NCAM1: variants seen among roughly 807,000 people sequenced by gnomAD.
The protein encoded by NCAM1 is neural cell adhesion molecule 1.
A neutral mutation model predicts 109.8 loss-of-function variants in NCAM1; 14 were observed. That is an observed-to-expected ratio of 0.13 (90% CI 0.08 to 0.20). NCAM1 has a LOEUF of 0.20. Ranked by LOEUF, NCAM1 falls within the 10% of genes least tolerant of loss-of-function variation. The probability of loss-of-function intolerance (pLI) is 1.00; values close to 1 mark genes in which losing one functional copy is unlikely to be tolerated. For missense variants in NCAM1, 774 were observed against 1,109.9 expected, an observed-to-expected ratio of 0.70 and a Z score of 4.30; for synonymous variants, 418 against 442.9, an observed-to-expected ratio of 0.94 and a Z score of 0.70.
chr11:113,076,717 A>G (rs1938542400), intron 1 of NCAM1, among the ~76,000 whole-genome samples: 1 of 152,256 alleles, frequency 6.6e-6, no homozygotes, highest in South Asian at 2.1e-4. Flanking sequence ...CTGGAAAAAA[A>G]TATAACAGAT....
At position 113,273,086 on chromosome 11, in the gene NCAM1, G is replaced by T. The variant is rs782206123; in HGVS notation, c.2456+1210G>T. ...CCCTGACCTCCAGTATTGCCCCGCCGGCCACGGCCACGCCTGACTCAAACT... is the reference window on the plus strand; with the variant it reads ...CCCTGACCTCCAGTATTGCCCCGCCTGCCACGGCCACGCCTGACTCAAACT... On this transcript the variant is annotated intron_variant, in intron 19 of 19. Coordinates refer to ENST00000316851, the MANE Select transcript of NCAM1 (RefSeq NM_181351.5). The surrounding 1 kb of genome is among the most constrained non-coding windows in gnomAD (Gnocchi z 6.0). 7.7e-5 allele frequency: 35 copies of T among 455,794 alleles called. 1 individual carries two copies. Among genetic ancestry groups the T allele is most frequent in the South Asian group, 4.8e-4 (31 of 64,474 alleles). 28.2% of individuals were successfully genotyped at this position (455,794 alleles called of 1,614,324 possible). A position where few individuals can be genotyped will look rare whatever the true frequency, so the allele number is the denominator to read the frequency against.
intron 17 of NCAM1, among the ~76,000 whole-genome samples, chr11:113,261,973 C>A (rs1946015519): frequency 6.6e-6 from 1 of 152,066 alleles, no homozygotes; most frequent in Non-Finnish European, 1.5e-5. Context: ...TGTGAATCGC[C>A]CAGGTGCCCA....
intron 1 of NCAM1, among the ~76,000 whole-genome samples, chr11:113,201,097 C>G (rs2136874279): frequency 6.6e-6 from 1 of 152,306 alleles, no homozygotes; most frequent in South Asian, 2.1e-4. Flanking sequence ...TCACCTCTTT[C>G]TCTCTGAAGC....
At chr11:113,015,761 A>G (rs1952191709) in intron 1 of NCAM1, among the ~76,000 whole-genome samples, 1 of 152,082 alleles carries the variant, frequency 6.6e-6, no homozygotes, top group South Asian at 2.1e-4. Flanking sequence ...CAAAAAAAAG[A>G]AAAAAAGATA....
intron 1 of NCAM1, among the ~76,000 whole-genome samples, chr11:113,134,416 T>A (rs1209493966): frequency 1.3e-5 from 2 of 152,232 alleles, no homozygotes; most frequent in African/African-American, 4.8e-5. Context: ...CTTTCACTTC[T>A]TTGCTACTGG....
intron 1 of NCAM1, among the ~76,000 whole-genome samples, chr11:113,002,727 T>C (rs2135003888): frequency 6.6e-6 from 1 of 152,292 alleles, no homozygotes; most frequent in Non-Finnish European, 1.5e-5. Flanking sequence ...GCCCTCCAGC[T>C]AAGTCTCCTG....
chr11:113,232,367 G>T lies in NCAM1; in HGVS notation c.1425+13G>T, dbSNP rs371485160. On this transcript the variant is annotated intron_variant, in intron 11 of 19. Transcript: ENST00000316851. ...CAGCTATCTGGAGGTGAGTCAGGATGGGGGTGGGACAGAGCAGAGAAAGCA... is the reference window on the plus strand; with the variant it reads ...CAGCTATCTGGAGGTGAGTCAGGATTGGGGTGGGACAGAGCAGAGAAAGCA... 965 of 1,600,860 alleles carry T rather than the reference G, an allele frequency of 6.0e-4. 10 individuals are homozygous for T. The South Asian group carries it at 0.01, about 17-fold the overall frequency.
chr11:113,238,209 A>G (rs1184543853), intron 14 of NCAM1, among the ~76,000 whole-genome samples: 1 of 152,182 alleles, frequency 6.6e-6, no homozygotes, highest in African/African-American at 2.4e-5. Context: ...GTACAACAAC[A>G]GGCATTGTTA....
intron 1 of NCAM1, among the ~76,000 whole-genome samples, chr11:113,169,331 A>G (rs1400582685): frequency 1.3e-5 from 2 of 152,148 alleles, no homozygotes; most frequent in African/African-American, 4.8e-5. Flanking sequence ...TAAAATCAGT[A>G]CTGCAGATTG....
rs541144832 is a variant in NCAM1, at chr11:112,982,531, CAG to C, written c.52+20868_52+20869del. On this transcript the variant is annotated intron_variant, in intron 1 of 19. Transcript: ENST00000316851. The stretch of plus-strand genomic sequence containing the variant: ...GATTACAGTCTGGAAAACCAGTAGT[CAG>C]GGGGTAGGAGGAGCTACTGTAGAGG... 4.0e-5 allele frequency among the ~76,000 whole-genome samples: 6 copies of C among 151,752 alleles called. No homozygotes were observed. In the South Asian group the frequency reaches 1.2e-3, roughly 32 times the overall value.
intron 1 of NCAM1, among the ~76,000 whole-genome samples, chr11:113,068,631 G>T (rs914816532): frequency 1.3e-5 from 2 of 152,146 alleles, no homozygotes; most frequent in Non-Finnish European, 2.9e-5. Context: ...TCTAATCCTT[G>T]CTCTATCTCT....
intron 8 of NCAM1, among the ~76,000 whole-genome samples, chr11:113,220,308 A>T (rs181784252): frequency 6.6e-6 from 1 of 152,306 alleles, no homozygotes; most frequent in Admixed American, 6.5e-5. Context: ...TACATGCTGG[A>T]GTCCACATAC....
intron 1 of NCAM1, among the ~76,000 whole-genome samples, chr11:113,016,395 T>G (rs1555075271): frequency 6.6e-6 from 1 of 152,196 alleles, no homozygotes; most frequent in Non-Finnish European, 1.5e-5. Flanking sequence ...GACATAAAAA[T>G]AGGACACTGG....
At chr11:113,080,607 A>G (rs1938764617) in intron 1 of NCAM1, among the ~76,000 whole-genome samples, 1 of 152,154 alleles carries the variant, frequency 6.6e-6, no homozygotes, top group African/African-American at 2.4e-5. Context: ...TAAGTTAATT[A>G]TTTGAATGGA....
At chr11:113,003,735 G>C (rs1555072817) in intron 1 of NCAM1, 1 of 152,208 alleles carries the variant, frequency 6.6e-6, no homozygotes, top group Non-Finnish European at 1.5e-5. Flanking sequence ...CATATTGAAA[G>C]TAATTTTAAC....
chr11:113,081,352 C>G (rs1474458923), intron 1 of NCAM1, among the ~76,000 whole-genome samples: 5 of 152,088 alleles, frequency 3.3e-5, no homozygotes, highest in Non-Finnish European at 7.4e-5. Context: ...CGGACGGTTC[C>G]CCGGTGCTTG....
chr11:113,208,210 C>T (rs186906492), intron 7 of NCAM1, among the ~76,000 whole-genome samples: 58 of 152,240 alleles, frequency 3.8e-4, no homozygotes, highest in Non-Finnish European at 6.3e-4. Context: ...CTGGCCTCCC[C>T]GACTCTCCCT....
chr11:113,225,997 A>G (rs1249470168), intron 9 of NCAM1, among the ~76,000 whole-genome samples: 2 of 152,258 alleles, frequency 1.3e-5, no homozygotes, highest in African/African-American at 2.4e-5. Flanking sequence ...CGTAAAGACC[A>G]TCAAGGTTAG....
intron 15 of NCAM1, among the ~76,000 whole-genome samples, chr11:113,250,741 A>T (rs1555121120): frequency 6.6e-6 from 1 of 152,240 alleles, no homozygotes; most frequent in East Asian, 1.9e-4. Flanking sequence ...CTTTGTGCAG[A>T]TCTCTATGAG....
Sources: allele counts gnomAD v4.1 joint callset (sites outside exome capture counted in the v4.1 genomes callset), GRCh38; gene constraint gnomAD v4.1.1; non-coding constraint Gnocchi (gnomAD v3.1); transcripts MANE v1.5; gene names NCBI Gene and HGNC (gene_info 2026-07-23, HGNC 2026-07-21).